Variants in GALNT18 observed in about 807,000 individuals in gnomAD.
GALNT18 encodes GalNAc-transferase 18.
Under a neutral mutation model 69.5 loss-of-function variants are expected in GALNT18, and 44 were observed. The ratio of observed to expected loss-of-function variants is 0.63; its 90% CI spans 0.50 to 0.81. The LOEUF is 0.81. Ranked by LOEUF, GALNT18 falls within the 40% of genes least tolerant of loss-of-function variation. The pLI, the probability that GALNT18 is intolerant of heterozygous loss-of-function variation, is 0.00. For synonymous variants in GALNT18, 364 were observed against 318.2 expected, an observed-to-expected ratio of 1.14 and a Z score of -1.53; for missense variants, 715 against 810.0, an observed-to-expected ratio of 0.88 and a Z score of 1.42.
At chr11:11,394,975 G>A (rs1854292597) in intron 3 of GALNT18, among the ~76,000 whole-genome samples, 1 of 152,216 alleles carries the variant, frequency 6.6e-6, no homozygotes, top group South Asian at 2.1e-4. Context: ...ATGCTGTTAG[G>A]GACCCAGTCT....
At chr11:11,529,760 A>AGT (rs1857602198) in intron 1 of GALNT18, among the ~76,000 whole-genome samples, 1 of 151,924 alleles carries the variant, frequency 6.6e-6, no homozygotes, top group Non-Finnish European at 1.5e-5. Flanking sequence ...ACGTATGCAC[A>AGT]TGTACCTATA....
chr11:11,293,252 C>G lies in GALNT18; in HGVS notation c.1513-59G>C, dbSNP rs138326637. The G allele has an allele frequency of 5.1e-4, 656 of 1,284,312 alleles. 4 individuals carry two copies. In the African/African-American group the frequency reaches 8.6e-3, roughly 17 times the overall value. The allele number at this position is 1,284,312 out of a possible 1,614,324, so 79.6% of individuals were successfully genotyped here. ...ATGCCAATGGCCACGGAGACAGGAG[C>G]ATAGGTGGTGATTCTTCCAGGCAGC... On this transcript the variant is annotated intron_variant, in intron 9 of 10. Coordinates refer to ENST00000227756, the MANE Select transcript of GALNT18 (RefSeq NM_198516.3).
In GALNT18 at chr11:11,582,891, A is replaced by C. The variant is rs966909141; in HGVS notation, c.235+38468T>G. On this transcript the variant is annotated intron_variant, in intron 1 of 10. Transcript: ENST00000227756. This position sits in a 1 kb window ranked among gnomAD's most constrained non-coding sequence, Gnocchi z 5.0. ...CTCCAACTCCTCACCACAGCCACAG[A>C]GCACAGCCACTGCCACACACACCCC... Among the ~76,000 whole-genome samples the C allele has an allele frequency of 2.0e-5, 3 of 152,192 alleles. No individual in the cohort carries two copies. The highest frequency in any genetic ancestry group is 7.2e-5 in the African/African-American group (3 of 41,446).
At position 11,605,985 on chromosome 11, in the gene GALNT18, C is replaced by A. The variant is rs939418759; in HGVS notation, c.235+15374G>T. ...ACACAGTAATGTCAGCTGTGAGGGG[C>A]TATGAGAGAGACCCCAGAAGCATGA... On this transcript the variant is annotated intron_variant, in intron 1 of 10. Coordinates refer to ENST00000227756, the MANE Select transcript of GALNT18 (RefSeq NM_198516.3). This position sits in a 1 kb window ranked among gnomAD's most constrained non-coding sequence, Gnocchi z 4.7. 6.6e-6 allele frequency among the ~76,000 whole-genome samples: 1 copy of A among 152,142 alleles called. No homozygotes were observed. Among genetic ancestry groups the A allele is most frequent in the African/African-American group, 2.4e-5 (1 of 41,420 alleles).
intron 10 of GALNT18, among the ~76,000 whole-genome samples, chr11:11,272,872 G>GT (rs1444377833): frequency 3.3e-5 from 5 of 152,182 alleles, no homozygotes; most frequent in Admixed American, 3.3e-4. Context: ...TGTCATCCAA[G>GT]TCTGCCATGA....
chr11:11,533,948 C>T lies in GALNT18; in HGVS notation c.236-85012G>A, dbSNP rs546011925. Among the ~76,000 whole-genome samples, 130 of 152,352 alleles carry T rather than the reference C, an allele frequency of 8.5e-4. 1 individual carries two copies. The South Asian group carries it at 0.025, about 30-fold the overall frequency. On this transcript the variant is annotated intron_variant, in intron 1 of 10. Coordinates refer to ENST00000227756, the MANE Select transcript of GALNT18 (RefSeq NM_198516.3). ...CTGGGTCTGTCATGTACCCCAGCCC[C>T]TCGGGAATTATAGTACAAGACCTAA...
At chr11:11,348,472 C>T (rs983479244) in intron 6 of GALNT18, among the ~76,000 whole-genome samples, 3 of 151,686 alleles carry the variant, frequency 2.0e-5, no homozygotes, top group East Asian at 1.9e-4. Context: ...AGGTTCAGGG[C>T]GTGCAACAGA....
chr11:11,290,519 C>G (rs990181405), intron 10 of GALNT18, among the ~76,000 whole-genome samples: 13 of 152,190 alleles, frequency 8.5e-5, no homozygotes, highest in Non-Finnish European at 2.9e-5. Flanking sequence ...CCCACTGTGC[C>G]CTCCAGGATC....
chr11:11,453,786 C>T (rs1564957513), intron 1 of GALNT18, among the ~76,000 whole-genome samples: 1 of 152,220 alleles, frequency 6.6e-6, no homozygotes, highest in Non-Finnish European at 1.5e-5. Context: ...TTTCACCTTC[C>T]ACCATGATTG....
Position 11,550,023 on chromosome 11 carries a change from A to G in GALNT18, c.235+71336T>C, listed in dbSNP as rs1858151975. On this transcript the variant is annotated intron_variant, in intron 1 of 10. Coordinates refer to ENST00000227756, the MANE Select transcript of GALNT18 (RefSeq NM_198516.3). Reference sequence around the variant, plus strand: ...CTCACATTATACAGTGGCAGATGCCATTGAAAAGGCAGCCTGTGCCTCCAG... The same window carrying G: ...CTCACATTATACAGTGGCAGATGCCGTTGAAAAGGCAGCCTGTGCCTCCAG... Among the ~76,000 whole-genome samples the G allele has an allele frequency of 3.3e-5, 5 of 152,348 alleles. No homozygotes were observed. In the South Asian group the frequency reaches 1.0e-3, roughly 32 times the overall value.
rs71478973 is a variant in GALNT18 at position 11,584,013 on chromosome 11, G to A, written c.235+37346C>T. Among the ~76,000 whole-genome samples, 258 of 152,200 alleles carry A rather than the reference G, an allele frequency of 1.7e-3. No individual in the cohort carries two copies. Among genetic ancestry groups the A allele is most frequent in the East Asian group, 3.3e-3 (17 of 5,178 alleles). ...AATTCTTGTGAGGACATAGGAATTCGAAAAGGAATGGCATCATGAGCTGGG... is the reference window on the plus strand; with the variant it reads ...AATTCTTGTGAGGACATAGGAATTCAAAAAGGAATGGCATCATGAGCTGGG... On this transcript the variant is annotated intron_variant, in intron 1 of 10. Transcript: ENST00000227756. This position sits in a 1 kb window ranked among gnomAD's most constrained non-coding sequence, Gnocchi z 4.1.
Position 11,271,271 on chromosome 11 carries a change from C to G in GALNT18, c.1697G>C (p.Arg566Pro), listed in dbSNP as rs779544652. ...QFSQGGPIQNRKSKRCLELQE... is the reference protein window; with the variant it reads ...QFSQGGPIQNPKSKRCLELQE... ...CAGCTCCAGACAGCGCTTAGACTTG[C>G]GGTTCTGGATGGGTCCTCCCTAGGG... Residue 566 changes from arginine (R) to proline (P), a missense_variant, in exon 11 of 11, where the codon CGC (arginine) becomes CCC (proline). Coordinates refer to ENST00000227756, the MANE Select transcript of GALNT18 (RefSeq NM_198516.3). 37 of 1,613,922 alleles carry G rather than the reference C, an allele frequency of 2.3e-5. No individual in the cohort carries two copies. The highest frequency in any genetic ancestry group is 3.1e-5 in the Non-Finnish European group (36 of 1,179,964).
At chr11:11,525,218 G>T (rs1330729911) in intron 1 of GALNT18, among the ~76,000 whole-genome samples, 1 of 152,060 alleles carries the variant, frequency 6.6e-6, no homozygotes, top group Admixed American at 6.6e-5. Context: ...GGCCCAGAAT[G>T]CCATCCTAGC....
intron 2 of GALNT18, among the ~76,000 whole-genome samples, chr11:11,446,448 C>T (rs1366228474): frequency 1.3e-5 from 2 of 152,144 alleles, no homozygotes; most frequent in Non-Finnish European, 2.9e-5. Context: ...TGGCCAAGTC[C>T]CCTGCAGGAA....
chr11:11,529,940 T>G (rs975350254), intron 1 of GALNT18, among the ~76,000 whole-genome samples: 17 of 152,176 alleles, frequency 1.1e-4, no homozygotes, highest in Non-Finnish European at 2.2e-4. Flanking sequence ...CTTTCTGAAG[T>G]TCTTCAGAGT....
At chr11:11,316,439 C>T (rs1354533653) in intron 9 of GALNT18, among the ~76,000 whole-genome samples, 6 of 152,078 alleles carry the variant, frequency 3.9e-5, no homozygotes, top group African/African-American at 1.4e-4. Context: ...TCTTTAATGC[C>T]CCTGCGGACA....
intron 8 of GALNT18, among the ~76,000 whole-genome samples, chr11:11,328,400 G>A (rs1432750429): frequency 1.3e-5 from 2 of 152,174 alleles, no homozygotes; most frequent in East Asian, 3.9e-4. Context: ...CCACAGGGAG[G>A]CTATCTATCT....
In GALNT18 at chr11:11,362,242, T is replaced by C. The variant is rs150817815; in HGVS notation, c.1092+10273A>G. Among the ~76,000 whole-genome samples the C allele has an allele frequency of 2.6e-4, 40 of 152,250 alleles. No homozygotes were observed. In the East Asian group the frequency reaches 6.6e-3, roughly 25 times the overall value. ...TGTAAGTATTAGAAGAAAACATAAG[T>C]GAATTTCTTTATAACCTGAGAGTGG... On this transcript the variant is annotated intron_variant, in intron 6 of 10. Coordinates refer to ENST00000227756, the MANE Select transcript of GALNT18 (RefSeq NM_198516.3).
chr11:11,418,181 C>T (rs1854910205), intron 3 of GALNT18, among the ~76,000 whole-genome samples: 1 of 152,220 alleles, frequency 6.6e-6, no homozygotes, highest in Admixed American at 6.5e-5. Context: ...CAGAGTCATT[C>T]ACTGAGCCCT....
Sources: allele counts gnomAD v4.1 joint callset (sites outside exome capture counted in the v4.1 genomes callset), GRCh38; gene constraint gnomAD v4.1.1; non-coding constraint Gnocchi (gnomAD v3.1); transcripts MANE v1.5; gene names NCBI Gene and HGNC (gene_info 2026-07-23, HGNC 2026-07-21).